The following NAA20 variants were observed in gnomAD, a reference collection of about 807,000 sequenced individuals.
The protein encoded by NAA20 is N-alpha-acetyltransferase 20.
A neutral mutation model predicts 23.8 loss-of-function variants in NAA20; 24 were observed. The ratio of observed to expected loss-of-function variants is 1.01; its 90% CI spans 0.73 to 1.42. The LOEUF (loss-of-function observed/expected upper bound fraction) is 1.42, where lower values mean the gene tolerates loss of function less well. Among genes scored for constraint, NAA20 ranks in the 40% most tolerant of loss-of-function variants. NAA20 has a pLI of 0.00. For synonymous variants in NAA20, 83 were observed against 77.7 expected, an observed-to-expected ratio of 1.07 and a Z score of -0.36; for missense variants, 166 against 223.1, an observed-to-expected ratio of 0.74 and a Z score of 1.63.
At chr20:20,033,030 C>T (rs1281385697) in intron 5 of NAA20, 72 bp from the exon 6 acceptor site, 54 of 1,222,086 alleles carry the variant, frequency 4.4e-5, no homozygotes, top group Non-Finnish European at 5.2e-5. Flanking sequence ...CTTATGGGAA[C>T]TTTACCTATA....
At chr20:20,020,453 T>C (rs1030207240) in intron 1 of NAA20, among the ~76,000 whole-genome samples, 1 of 151,956 alleles carries the variant, frequency 6.6e-6, no homozygotes, top group South Asian at 2.1e-4. Context: ...CTGTTTCAAA[T>C]AGGAGGCAGG....
At chr20:20,019,954 G>C (rs1167888578) in intron 1 of NAA20, among the ~76,000 whole-genome samples, 1 of 152,180 alleles carries the variant, frequency 6.6e-6, no homozygotes, top group Non-Finnish European at 1.5e-5. Context: ...GAATGACTCA[G>C]ATTAGATGAT....
intron 4 of NAA20, among the ~76,000 whole-genome samples, chr20:20,028,518 A>G (rs941046924): frequency 2.0e-5 from 3 of 152,310 alleles, no homozygotes; most frequent in East Asian, 1.9e-4. Context: ...GTAACTAGCT[A>G]TGACCTTGCA....
At chr20:20,017,331 C>T (rs2043237659), upstream of NAA20, 1 of 1,599,310 alleles carries the variant, frequency 6.3e-7, no homozygotes, top group Non-Finnish European at 8.5e-7. Flanking sequence ...GGCCACGCTC[C>T]GGGAGACTTC....
upstream of NAA20, chr20:20,017,328 C>G: frequency 4.4e-6 from 7 of 1,596,792 alleles, no homozygotes; most frequent in Non-Finnish European, 6.0e-6. Flanking sequence ...GGCGGCCACG[C>G]TCCGGGAGAC....
At chr20:20,022,840 G>C (rs567259926) in intron 2 of NAA20, among the ~76,000 whole-genome samples, 1 of 152,306 alleles carries the variant, frequency 6.6e-6, no homozygotes, top group Admixed American at 6.5e-5. Flanking sequence ...TCCCAGGCAG[G>C]TGATGCTTCC....
intron 4 of NAA20, among the ~76,000 whole-genome samples, chr20:20,029,633 A>T (rs2043329372): frequency 6.9e-6 from 1 of 144,842 alleles, no homozygotes; most frequent in Non-Finnish European, 1.5e-5. Flanking sequence ...AAAAAAAAAA[A>T]TAGCGATTTA....
intron 4 of NAA20, among the ~76,000 whole-genome samples, chr20:20,028,993 G>C (rs1044379513): frequency 6.6e-6 from 1 of 152,044 alleles, no homozygotes; most frequent in African/African-American, 2.4e-5. Flanking sequence ...GCAGTGGCGT[G>C]ATCTCAGCTC....
rs761079360 is a variant in NAA20 at position 20,026,864 on chromosome 20, C to T, written c.250C>T (p.Arg84Ter). 27 of 1,614,026 alleles carry T rather than the reference C, an allele frequency of 1.7e-5. No individual in the cohort carries two copies. Among genetic ancestry groups the T allele is most frequent in the Middle Eastern group, 1.6e-4 (1 of 6,084 alleles). Residue 84 changes from arginine to a stop codon, truncating the protein, a stop_gained, in exon 4 of 6, where the codon CGA (arginine) becomes TGA (stop). Transcript: ENST00000334982. LOFTEE classifies it high-confidence loss of function. ...AGCTCTGTCTGTTGCCCCAGAATTT[C>T]GACGCCTTGGTTTGGCTGCTAAACT... Reference protein sequence around the residue: ...VTALSVAPEFRRLGLAAKLME... With the variant: ...VTALSVAPEF
chr20:20,017,792 C>T (rs1349375710), intron 1 of NAA20: 1 of 1,445,112 alleles, frequency 6.9e-7, no homozygotes, highest in Middle Eastern at 2.5e-4. Context: ...GAGACGCGGC[C>T]TGGAGCCCAC....
At position 20,018,326 on chromosome 20, in the gene NAA20, C is replaced by T. The variant is rs1298695190; in HGVS notation, c.53+877C>T. 7.9e-6 allele frequency: 4 copies of T among 507,580 alleles called. No homozygotes were observed. In the Admixed American group the frequency reaches 1.3e-4, roughly 16 times the overall value. 31.4% of individuals were successfully genotyped at this position (507,580 alleles called of 1,614,324 possible). ...CCTGGATTCTGCAGTTAACATTTTG[C>T]TACGCTGGTATCTCTCCTTCCTTCC... On this transcript the variant is annotated intron_variant, in intron 1 of 5. Coordinates refer to ENST00000334982, the MANE Select transcript of NAA20 (RefSeq NM_016100.5).
chr20:20,018,914 T>C, intron 1 of NAA20: 1 of 985,344 alleles, frequency 1.0e-6, no homozygotes, highest in African/African-American at 1.7e-5. Context: ...ATATTGGCTC[T>C]GGAGCAGTGG....
chr20:20,017,693 G>A, intron 1 of NAA20: 2 of 1,424,270 alleles, frequency 1.4e-6, no homozygotes, highest in Non-Finnish European at 1.8e-6. Context: ...CTTTGTCTCT[G>A]GACCCTGCGA....
Position 20,020,486 on chromosome 20 carries a change from G to C in NAA20, c.54-1970G>C, listed in dbSNP as rs148462997. On this transcript the variant is annotated intron_variant, in intron 1 of 5. Transcript: ENST00000334982. ...AGGCCGCATGGCTGGTACAGAGTGA[G>C]CATGGGAGGGTAAGGGGATAACAGC... Among the ~76,000 whole-genome samples the C allele has an allele frequency of 5.2e-3, 794 of 152,312 alleles. 5 individuals carry two copies. Among genetic ancestry groups the C allele is most frequent in the African/African-American group, 0.017 (725 of 41,558 alleles).
chr20:20,030,648 GAATT>G (rs932045815), intron 4 of NAA20, among the ~76,000 whole-genome samples: 7 of 151,758 alleles, frequency 4.6e-5, no homozygotes, highest in South Asian at 2.1e-4. Flanking sequence ...TAAATATTTA[GAATT>G]AATAAAAGGC....
chr20:20,017,500 C>A (rs1245929407), intron 1 of NAA20, 51 bp downstream of exon 1: 3 of 1,542,142 alleles, frequency 1.9e-6, no homozygotes, highest in East Asian at 2.5e-5. Flanking sequence ...CCTCGCTTCC[C>A]GGCCCCGCCA....
chr20:20,031,933 T>C (rs184691682), intron 4 of NAA20, among the ~76,000 whole-genome samples: 2 of 152,310 alleles, frequency 1.3e-5, no homozygotes, highest in Non-Finnish European at 2.9e-5. Context: ...TACAAGCCAG[T>C]TGGAAAAACA....
chr20:20,026,992 T>G, intron 4 of NAA20, 73 bp downstream of exon 4: 1 of 1,580,924 alleles, frequency 6.3e-7, no homozygotes, highest in Non-Finnish European at 8.7e-7. Flanking sequence ...TCAGGCTGAA[T>G]AACTGTCATG....
chr20:20,017,945 A>T (rs762164171), intron 1 of NAA20: 1 of 1,612,888 alleles, frequency 6.2e-7, no homozygotes, highest in African/African-American at 1.3e-5. Flanking sequence ...TGGGATGTGT[A>T]CATCGTGAAG....
Sources: allele counts gnomAD v4.1 joint callset (sites outside exome capture counted in the v4.1 genomes callset), GRCh38; gene constraint gnomAD v4.1.1; transcripts MANE v1.5; gene names NCBI Gene and HGNC (gene_info 2026-07-23, HGNC 2026-07-21).